PLCB1: variants seen among roughly 807,000 people sequenced by gnomAD.
The protein encoded by PLCB1 is 1-phosphatidylinositol 4,5-bisphosphate phosphodiesterase beta-1.
PLCB1 carries 46 observed loss-of-function variants against 161.8 expected under a neutral mutation model. That is an observed-to-expected ratio of 0.28 (90% CI 0.22 to 0.36). The LOEUF (loss-of-function observed/expected upper bound fraction) is 0.36. PLCB1 is among the 10% of genes least tolerant of loss of function. The pLI is 1.00. For missense variants in PLCB1, 1,016 were observed against 1,472.5 expected (o/e 0.69, Z 5.07); for synonymous variants, 517 against 503.7 (o/e 1.03, Z -0.35).
chr20:8,500,555 A>T (rs1273954644), intron 3 of PLCB1, among the ~76,000 whole-genome samples: 1 of 152,118 alleles, frequency 6.6e-6, no homozygotes, highest in Non-Finnish European at 1.5e-5. Flanking sequence ...CAACTACATA[A>T]TTTTTTCTGT....
At chr20:8,854,642 C>G (rs566887895) in intron 31 of PLCB1, among the ~76,000 whole-genome samples, 1 of 152,298 alleles carries the variant, frequency 6.6e-6, no homozygotes, top group South Asian at 2.1e-4. Flanking sequence ...GGACCTTTGG[C>G]TGACAATCGT....
chr20:8,265,072 T>G (rs770168512), intron 2 of PLCB1, among the ~76,000 whole-genome samples: 1 of 152,166 alleles, frequency 6.6e-6, no homozygotes, highest in African/African-American at 2.4e-5. Flanking sequence ...TACTTGTCAT[T>G]TGTCTGACAC....
At chr20:8,414,944 A>C (rs1979205677) in intron 3 of PLCB1, among the ~76,000 whole-genome samples, 1 of 151,992 alleles carries the variant, frequency 6.6e-6, no homozygotes, top group Non-Finnish European at 1.5e-5. Flanking sequence ...TTTTAACAAG[A>C]TCTCCAGGCA....
At chr20:8,628,760 C>T in intron 4 of PLCB1, 1 of 196,572 alleles carries the variant, frequency 5.1e-6, no homozygotes, top group South Asian at 9.9e-5. Context: ...CATGGTGAAT[C>T]CCTGTCTCTA....
At chr20:8,254,579 C>T (rs1981315836) in intron 2 of PLCB1, among the ~76,000 whole-genome samples, 1 of 149,466 alleles carries the variant, frequency 6.7e-6, no homozygotes, top group South Asian at 2.1e-4. Context: ...AAAAAAAAGG[C>T]TTTTCTTCAT....
chr20:8,767,702 G>C (rs575840659), intron 26 of PLCB1, among the ~76,000 whole-genome samples: 2 of 152,084 alleles, frequency 1.3e-5, no homozygotes, highest in Admixed American at 1.3e-4. Flanking sequence ...GACCACAGGG[G>C]GCTTCCTCTC....
chr20:8,655,534 A>T (rs562170463), intron 7 of PLCB1, among the ~76,000 whole-genome samples: 19 of 152,218 alleles, frequency 1.2e-4, no homozygotes, highest in Admixed American at 1.2e-3. Flanking sequence ...TTCAAGGGGA[A>T]GGCAAGGCTT....
intron 3 of PLCB1, among the ~76,000 whole-genome samples, chr20:8,449,519 A>G (rs1276262125): frequency 6.6e-6 from 1 of 152,220 alleles, no homozygotes; most frequent in African/African-American, 2.4e-5. Flanking sequence ...TTAAGAGAGA[A>G]TAATATACTC....
chr20:8,406,271 T>C (rs73090237), intron 3 of PLCB1, among the ~76,000 whole-genome samples: 25 of 152,348 alleles, frequency 1.6e-4, no homozygotes, highest in Non-Finnish European at 3.4e-4. Flanking sequence ...GCTGTTTCTC[T>C]CTTTCTTTAG....
chr20:8,293,038 G>T (rs1983459500), intron 2 of PLCB1, among the ~76,000 whole-genome samples: 1 of 152,008 alleles, frequency 6.6e-6, no homozygotes, highest in Non-Finnish European at 1.5e-5. Flanking sequence ...CAAAAACATG[G>T]TTTTTGGTCA....
chr20:8,286,038 T>A (rs1267212749), intron 2 of PLCB1, among the ~76,000 whole-genome samples: 1 of 152,196 alleles, frequency 6.6e-6, no homozygotes, highest in African/African-American at 2.4e-5. Context: ...AAAGGATAAA[T>A]TTTCATCCTG....
At chr20:8,819,302 T>C (rs1390096048) in intron 31 of PLCB1, among the ~76,000 whole-genome samples, 1 of 152,156 alleles carries the variant, frequency 6.6e-6, no homozygotes, top group Non-Finnish European at 1.5e-5. Context: ...AAAGAACTAT[T>C]ATTATTGATA....
At chr20:8,217,494 G>A (rs75815209) in intron 2 of PLCB1, among the ~76,000 whole-genome samples, 2,051 of 152,218 alleles carry the variant, frequency 0.013, 21 homozygotes, top group Non-Finnish European at 0.02. Context: ...CAGGTGGAGA[G>A]AAAGGTGTAG....
At chr20:8,544,103 C>T (rs890323364) in intron 3 of PLCB1, among the ~76,000 whole-genome samples, 2 of 152,066 alleles carry the variant, frequency 1.3e-5, no homozygotes, top group African/African-American at 4.8e-5. Context: ...TTCAATCACA[C>T]CCCAAACCTC....
chr20:8,519,994 A>C (rs1185129399), intron 3 of PLCB1, among the ~76,000 whole-genome samples: 1 of 152,146 alleles, frequency 6.6e-6, no homozygotes, highest in African/African-American at 2.4e-5. Flanking sequence ...TTAAAGCATG[A>C]ATGCTTTAAA....
rs541950833 is a variant in PLCB1 at position 8,595,060 on chromosome 20, A to C, written c.247-33234A>C. Among the ~76,000 whole-genome samples, 355 of 152,354 alleles carry C rather than the reference A, an allele frequency of 2.3e-3. 2 individuals are homozygous for C. Among genetic ancestry groups the C allele is most frequent in the African/African-American group, 8.3e-3 (344 of 41,590 alleles). The stretch of plus-strand genomic sequence containing the variant: ...CATCTTAGGTGTAATACAAAGACAT[A>C]GAATATTTAAAGGCAATTAATATGT... On this transcript the variant is annotated intron_variant, in intron 3 of 31. Transcript: ENST00000338037.
At chr20:8,873,413 A>C (rs924618556) in intron 31 of PLCB1, among the ~76,000 whole-genome samples, 3 of 152,142 alleles carry the variant, frequency 2.0e-5, no homozygotes, top group Non-Finnish European at 2.9e-5. Flanking sequence ...TAGTCCTTGC[A>C]GTAATTCTCG....
intron 9 of PLCB1, among the ~76,000 whole-genome samples, chr20:8,661,661 G>A (rs1415488663): frequency 6.6e-6 from 1 of 151,846 alleles, no homozygotes; most frequent in Admixed American, 6.6e-5. Context: ...AGGATAAAGG[G>A]AGATTGTGCC....
chr20:8,660,994 G>A lies in PLCB1; in HGVS notation c.862+2290G>A, dbSNP rs144921188. Among the ~76,000 whole-genome samples, 354 of 152,196 alleles carry A rather than the reference G, an allele frequency of 2.3e-3. 1 individual carries two copies. The highest frequency in any genetic ancestry group is 7.9e-3 in the African/African-American group (327 of 41,542). ...TTAAGGACAGAAGAATTCTTGATAC[G>A]CTTTTCATAGATTTGAATTAAATAA... is the stretch of plus-strand genomic sequence containing the variant. On this transcript the variant is annotated intron_variant, in intron 9 of 31. Transcript: ENST00000338037.
Sources: allele counts gnomAD v4.1 joint callset (sites outside exome capture counted in the v4.1 genomes callset), GRCh38; gene constraint gnomAD v4.1.1; transcripts MANE v1.5; gene names NCBI Gene and HGNC (gene_info 2026-07-23, HGNC 2026-07-21).